The following EFNA5 variants were observed in gnomAD, a reference collection of about 807,000 sequenced individuals.
EFNA5 encodes ephrin A5.
EFNA5 carries 5 observed loss-of-function variants against 22.9 expected under a neutral mutation model. The ratio of observed to expected loss-of-function variants is 0.22; its 90% confidence interval spans 0.11 to 0.46. The LOEUF is 0.46. Ranked by LOEUF, EFNA5 falls within the 20% of genes least tolerant of loss-of-function variation. The probability of loss-of-function intolerance (pLI) is 0.99; values close to 1 mark genes in which losing one functional copy is unlikely to be tolerated. For synonymous variants in EFNA5, 113 were observed against 112.2 expected, an observed-to-expected ratio of 1.01 and a Z score of -0.04; for missense variants, 237 against 293.3, an observed-to-expected ratio of 0.81 and a Z score of 1.40.
chr5:107,667,546 T>A (rs1274262285), intron 1 of EFNA5, among the ~76,000 whole-genome samples: 1 of 152,178 alleles, frequency 6.6e-6, no homozygotes, highest in Non-Finnish European at 1.5e-5. Flanking sequence ...AAGATACATT[T>A]AATTCTGATT....
At chr5:107,545,325 G>A (rs1195650619) in intron 1 of EFNA5, among the ~76,000 whole-genome samples, 1 of 152,196 alleles carries the variant, frequency 6.6e-6, no homozygotes, top group African/African-American at 2.4e-5. Flanking sequence ...GATCTTATAT[G>A]TTGGGTATAT....
chr5:107,393,315 AATC>A (rs763206665), intron 2 of EFNA5, among the ~76,000 whole-genome samples: 2 of 152,216 alleles, frequency 1.3e-5, no homozygotes, highest in Non-Finnish European at 2.9e-5. Context: ...AAAGTTCCCT[AATC>A]ATCAAGGTAA....
intron 1 of EFNA5, among the ~76,000 whole-genome samples, chr5:107,608,159 G>T (rs148447360): frequency 6.6e-6 from 1 of 152,152 alleles, no homozygotes; most frequent in Admixed American, 6.5e-5. Flanking sequence ...ACAGAAATGT[G>T]TAACTTCCCC....
chr5:107,497,169 G>C (rs1747009654), intron 1 of EFNA5, among the ~76,000 whole-genome samples: 1 of 152,216 alleles, frequency 6.6e-6, no homozygotes, highest in South Asian at 2.1e-4. Flanking sequence ...ATCTGTAGTA[G>C]TAGGTGATCT....
intron 1 of EFNA5, among the ~76,000 whole-genome samples, chr5:107,597,928 G>A (rs914831956): frequency 3.9e-5 from 6 of 152,084 alleles, no homozygotes; most frequent in African/African-American, 1.4e-4. Flanking sequence ...AACAAATGGA[G>A]AGACCTAATA....
chr5:107,592,021 A>T (rs1443531064), intron 1 of EFNA5, among the ~76,000 whole-genome samples: 6 of 50,620 alleles, frequency 1.2e-4, no homozygotes, highest in African/African-American at 5.8e-4. Context: ...ATATAATATA[A>T]TATATATTAT....
At chr5:107,605,362 G>A (rs1282582253) in intron 1 of EFNA5, among the ~76,000 whole-genome samples, 1 of 152,096 alleles carries the variant, frequency 6.6e-6, no homozygotes, top group Non-Finnish European at 1.5e-5. Context: ...AGAGAATGAG[G>A]TAAACCTTTA....
At chr5:107,495,652 CAAAT>C (rs1746956765) in intron 1 of EFNA5, among the ~76,000 whole-genome samples, 1 of 152,168 alleles carries the variant, frequency 6.6e-6, no homozygotes, top group South Asian at 2.1e-4. Context: ...GGAAGTATGA[CAAAT>C]AACGCCATGT....
chr5:107,564,433 G>T (rs949882351), intron 1 of EFNA5, among the ~76,000 whole-genome samples: 2 of 152,118 alleles, frequency 1.3e-5, no homozygotes, highest in African/African-American at 2.4e-5. Flanking sequence ...GGTATTAGTT[G>T]TATTTGCCCT....
chr5:107,440,848 T>C (rs570496546), intron 1 of EFNA5, among the ~76,000 whole-genome samples: 5 of 152,284 alleles, frequency 3.3e-5, no homozygotes, highest in Admixed American at 6.5e-5. Flanking sequence ...ATCTGTATGC[T>C]ATGTGATGGT....
intron 1 of EFNA5, among the ~76,000 whole-genome samples, chr5:107,522,546 G>A (rs981752435): frequency 2.0e-5 from 3 of 152,106 alleles, no homozygotes; most frequent in African/African-American, 4.8e-5. Context: ...TTATAGGCAC[G>A]TGCCACCACA....
At chr5:107,476,046 C>CTA in intron 1 of EFNA5, among the ~76,000 whole-genome samples, 7 of 31,274 alleles carry the variant, frequency 2.2e-4, no homozygotes, top group Non-Finnish European at 1.5e-4. Flanking sequence ...AGTTTTTAAA[C>CTA]TATATATATA....
At chr5:107,482,536 C>T (rs1202940652) in intron 1 of EFNA5, among the ~76,000 whole-genome samples, 2 of 152,104 alleles carry the variant, frequency 1.3e-5, no homozygotes. Flanking sequence ...TCTTGGGAAA[C>T]AAATTAAGGG....
At chr5:107,392,283 T>C (rs913386038) in intron 2 of EFNA5, among the ~76,000 whole-genome samples, 3 of 152,144 alleles carry the variant, frequency 2.0e-5, no homozygotes, top group African/African-American at 7.2e-5. Flanking sequence ...GAGTAGAACA[T>C]GGCAAAAGTG....
Position 107,485,728 on chromosome 5 carries a change from A to G in EFNA5, c.126-58219T>C, listed in dbSNP as rs1021535646. Among the ~76,000 whole-genome samples the G allele has an allele frequency of 1.1e-4, 16 of 152,190 alleles. 1 individual carries two copies. Among genetic ancestry groups the G allele is most frequent in the Admixed American group, 9.2e-4 (14 of 15,280 alleles). On this transcript the variant is annotated intron_variant, in intron 1 of 4. Coordinates refer to ENST00000333274, the MANE Select transcript of EFNA5 (RefSeq NM_001962.3). ...AAAAGTCAGGCTTAGTAGGAAAGAAAAAGTCAAAGAGATTGACCAAGAAAG... is the reference window on the plus strand; with the variant it reads ...AAAAGTCAGGCTTAGTAGGAAAGAAGAAGTCAAAGAGATTGACCAAGAAAG...
chr5:107,385,934 G>A (rs946431410), intron 4 of EFNA5, among the ~76,000 whole-genome samples: 3 of 152,070 alleles, frequency 2.0e-5, no homozygotes, highest in Non-Finnish European at 2.9e-5. Flanking sequence ...TGGGTGAGAT[G>A]CCTGCCTTAG....
chr5:107,669,185 A>G (rs1751133080), intron 1 of EFNA5, among the ~76,000 whole-genome samples: 1 of 151,324 alleles, frequency 6.6e-6, no homozygotes, highest in Admixed American at 6.6e-5. Flanking sequence ...GCAGGCGGAG[A>G]GGGCCCGCAG....
intron 1 of EFNA5, among the ~76,000 whole-genome samples, chr5:107,469,765 G>A (rs1285990981): frequency 7.2e-5 from 11 of 152,104 alleles, no homozygotes; most frequent in Non-Finnish European, 2.9e-5. Context: ...AAAGGAAGTA[G>A]ACGTATAATA....
chr5:107,395,365 T>C (rs1165784998), intron 2 of EFNA5, among the ~76,000 whole-genome samples: 1 of 152,082 alleles, frequency 6.6e-6, no homozygotes. Flanking sequence ...TAAGGAAAAT[T>C]TAAGACAGCT....
Sources: gnomAD v4.1 joint callset for allele counts (sites outside exome capture counted in the v4.1 genomes callset) on GRCh38, gnomAD v4.1.1 for gene constraint, MANE v1.5 for transcripts, NCBI Gene and HGNC (gene_info 2026-07-23, HGNC 2026-07-21) for gene names.